Variants in NCK2 observed in about 807,000 individuals in gnomAD.
NCK2 encodes the protein NCK adaptor protein 2.
NCK2 carries 16 observed loss-of-function variants against 33.9 expected under a neutral mutation model. The observed-to-expected ratio is 0.47, with a 90% CI of 0.32 to 0.72. The LOEUF is 0.72. Ranked by LOEUF, NCK2 falls within the 30% of genes least tolerant of loss-of-function variation. The pLI, the probability that NCK2 is intolerant of heterozygous loss-of-function variation, is 0.03. For synonymous variants in NCK2, 273 were observed against 239.9 expected (o/e 1.14, Z -1.27); for missense variants, 418 against 537.3 (o/e 0.78, Z 2.19).
chr2:105,771,513 C>T lies in NCK2; in HGVS notation c.-201+26375C>T, dbSNP rs570699932. On this transcript the variant is annotated intron_variant, in intron 1 of 4. Coordinates refer to ENST00000233154, the MANE Select transcript of NCK2 (RefSeq NM_003581.5). ...CCGAGAGGTGAATGTTGCAGTAAGC[C>T]GAGATTGGGCCACTGTACTCCAGCC... Among the ~76,000 whole-genome samples, 5 of 152,064 alleles carry T rather than the reference C, an allele frequency of 3.3e-5. No individual in the cohort carries two copies. In the South Asian group the frequency reaches 1.0e-3, roughly 32 times the overall value.
At chr2:105,857,921 G>A (rs1677348081) in intron 3 of NCK2, among the ~76,000 whole-genome samples, 1 of 152,184 alleles carries the variant, frequency 6.6e-6, no homozygotes, top group Non-Finnish European at 1.5e-5. Flanking sequence ...GTGCACTTCT[G>A]TGCAAAGCTT....
intron 1 of NCK2, among the ~76,000 whole-genome samples, chr2:105,815,832 C>G (rs1675458443): frequency 1.3e-5 from 2 of 152,320 alleles, no homozygotes; most frequent in South Asian, 4.1e-4. Flanking sequence ...TCATTAGACT[C>G]TCAGACTGGC....
At chr2:105,813,584 G>A (rs749440596) in intron 1 of NCK2, among the ~76,000 whole-genome samples, 116 of 152,310 alleles carry the variant, frequency 7.6e-4, no homozygotes, top group Admixed American at 1.1e-3. Flanking sequence ...CACCACACAG[G>A]CATTGGGGAT....
chr2:105,823,240 C>T (rs942134519), intron 2 of NCK2, among the ~76,000 whole-genome samples: 3 of 151,092 alleles, frequency 2.0e-5, no homozygotes, highest in Admixed American at 2.0e-4. Flanking sequence ...ACAAACAAGC[C>T]CCAGTAGGAG....
chr2:105,857,383 C>T (rs1427893147), intron 3 of NCK2, among the ~76,000 whole-genome samples: 2 of 152,262 alleles, frequency 1.3e-5, no homozygotes, highest in African/African-American at 4.8e-5. Context: ...TGGAGCGCAG[C>T]GTCGGTTCGA....
At chr2:105,836,367 T>G (rs1488002039) in intron 2 of NCK2, among the ~76,000 whole-genome samples, 2 of 152,074 alleles carry the variant, frequency 1.3e-5, no homozygotes, top group Non-Finnish European at 1.5e-5. Context: ...CTTCGTATGA[T>G]TTCTTGGACT....
chr2:105,772,769 C>T (rs899126248), intron 1 of NCK2, among the ~76,000 whole-genome samples: 4 of 152,100 alleles, frequency 2.6e-5, no homozygotes, highest in African/African-American at 9.7e-5. Context: ...CCCATTTTCA[C>T]AGTGAGTGCA....
At chr2:105,831,984 A>G (rs1700593548) in intron 2 of NCK2, among the ~76,000 whole-genome samples, 1 of 152,106 alleles carries the variant, frequency 6.6e-6, no homozygotes, top group Non-Finnish European at 1.5e-5. Flanking sequence ...CTTTGGATGT[A>G]ATGGTCATTA....
intron 2 of NCK2, among the ~76,000 whole-genome samples, chr2:105,825,178 T>C (rs1294987470): frequency 6.6e-6 from 1 of 152,096 alleles, no homozygotes; most frequent in Non-Finnish European, 1.5e-5. Flanking sequence ...TCTGGGATGC[T>C]TGGGGGTGAC....
At chr2:105,884,638 A>G (rs1282260526) in intron 4 of NCK2, among the ~76,000 whole-genome samples, 2 of 152,152 alleles carry the variant, frequency 1.3e-5, no homozygotes, top group African/African-American at 4.8e-5. Flanking sequence ...GGGAAGACAA[A>G]CATTGCCACA....
chr2:105,763,506 G>A (rs950686667), intron 1 of NCK2, among the ~76,000 whole-genome samples: 5 of 152,186 alleles, frequency 3.3e-5, no homozygotes, highest in African/African-American at 7.2e-5. Context: ...TAAAAGCCTA[G>A]TTGTTGTTTT....
At chr2:105,746,689 G>A (rs566555989) in intron 1 of NCK2, among the ~76,000 whole-genome samples, 2 of 152,186 alleles carry the variant, frequency 1.3e-5, no homozygotes, top group African/African-American at 4.8e-5. Context: ...GTTTTTTGAC[G>A]TTTGGAACAG....
intron 3 of NCK2, among the ~76,000 whole-genome samples, chr2:105,871,380 A>G (rs996226122): frequency 1.3e-5 from 2 of 152,112 alleles, no homozygotes; most frequent in Non-Finnish European, 1.5e-5. Flanking sequence ...CTTTGGGATC[A>G]ACCCTCATTT....
intron 3 of NCK2, 55 bp downstream of exon 3, chr2:105,855,344 C>A: frequency 7.7e-7 from 1 of 1,304,782 alleles, no homozygotes; most frequent in Non-Finnish European, 1.0e-6. Context: ...GGACACTGTT[C>A]GTCTTTCTAG....
At chr2:105,847,350 A>C (rs1676889924) in intron 2 of NCK2, 1 of 152,222 alleles carries the variant, frequency 6.6e-6, no homozygotes, top group South Asian at 2.1e-4. Flanking sequence ...TAAAATGTTA[A>C]ACTTTGTTAA....
intron 1 of NCK2, among the ~76,000 whole-genome samples, chr2:105,810,005 G>GT (rs1675228000): frequency 6.6e-6 from 1 of 152,166 alleles, no homozygotes; most frequent in African/African-American, 2.4e-5. Context: ...TGAAAGGAGA[G>GT]TGGGTGCTGA....
upstream of NCK2, chr2:105,744,852 C>T (rs1176164286): frequency 1.3e-5 from 2 of 153,182 alleles, no homozygotes; most frequent in Non-Finnish European, 2.7e-5. Flanking sequence ...GGGCGCTGCG[C>T]GCCGGGGGAG....
Position 105,823,132 on chromosome 2 carries a change from CTGTGTGTGTGTG to C in NCK2, c.-17+6549_-17+6560del, listed in dbSNP as rs10610689. Among the ~76,000 whole-genome samples the C allele has an allele frequency of 6.8e-4, 101 of 148,580 alleles. 1 individual carries two copies. Among genetic ancestry groups the C allele is most frequent in the Middle Eastern group, 3.4e-3 (1 of 290 alleles). ...CAGAAAAACAAAAAGTCCTCTCATG[CTGTGTGTGTGTG>C]TGTGTGTGTGTGTGTGTGTGTGTGT... On this transcript the variant is annotated intron_variant, in intron 2 of 4. Coordinates refer to ENST00000233154, the MANE Select transcript of NCK2 (RefSeq NM_003581.5).
At chr2:105,827,798 T>C (rs934274071) in intron 2 of NCK2, among the ~76,000 whole-genome samples, 9 of 152,064 alleles carry the variant, frequency 5.9e-5, no homozygotes, top group African/African-American at 2.2e-4. Flanking sequence ...TTACAAGGGG[T>C]TGGTGATGGT....
Sources: allele counts gnomAD v4.1 joint callset (sites outside exome capture counted in the v4.1 genomes callset), GRCh38; gene constraint gnomAD v4.1.1; transcripts MANE v1.5; gene names NCBI Gene and HGNC (gene_info 2026-07-23, HGNC 2026-07-21).